The following DMD variants were observed in gnomAD, a reference collection of about 807,000 sequenced individuals.
DMD encodes mutant dystrophin.
In DMD, 63 loss-of-function variants were observed where a neutral mutation model predicts 330.1. That is an observed-to-expected ratio of 0.19 (90% CI 0.16 to 0.24). The LOEUF (loss-of-function observed/expected upper bound fraction) is 0.24, where lower values mean the gene tolerates loss of function less well. Among genes scored for constraint, DMD ranks in the 10% least tolerant of loss-of-function variants. DMD has a pLI of 1.00. For synonymous variants in DMD, 1,223 were observed against 959.8 expected, an observed-to-expected ratio of 1.27 and a Z score of -5.07; for missense variants, 3,344 against 2,684.1, an observed-to-expected ratio of 1.25 and a Z score of -5.43.
chrX:32,091,479 CTA>C (rs1286559023), intron 44 of DMD, among the ~76,000 whole-genome samples: 2 of 110,693 alleles, frequency 1.8e-5, no homozygotes, highest in African/African-American at 6.6e-5. Flanking sequence ...GATAACATCC[CTA>C]TTTTAGAATA....
At chrX:32,473,784 T>G (rs1188552340) in intron 21 of DMD, among the ~76,000 whole-genome samples, 2 of 111,715 alleles carry the variant, frequency 1.8e-5, no homozygotes, top group Non-Finnish European at 1.9e-5. Flanking sequence ...GTACTTAAAA[T>G]CTGTTTTAAT....
At chrX:31,371,677 C>T (rs2059578749) in intron 60 of DMD, among the ~76,000 whole-genome samples, 1 of 111,685 alleles carries the variant, frequency 9.0e-6, no homozygotes, top group African/African-American at 3.3e-5. Flanking sequence ...GCAGGAAAAA[C>T]TGTCCAGACA....
intron 7 of DMD, among the ~76,000 whole-genome samples, chrX:32,718,331 G>C (rs956781535): frequency 9.0e-6 from 1 of 110,919 alleles, no homozygotes; most frequent in Admixed American, 9.7e-5. Flanking sequence ...TTGTGTGAAA[G>C]CGTGTAGCAT....
rs140393650 is a variant in DMD at position 33,306,703 on chromosome X, T to A, written c.7+32556A>T. 1.9e-3 allele frequency among the ~76,000 whole-genome samples: 214 copies of A among 110,747 alleles called. 1 individual carries two copies. In the East Asian group the frequency reaches 0.055, roughly 28 times the overall value. On this transcript the variant is annotated intron_variant, in intron 1 of 17. Coordinates refer to the DMD transcript ENST00000288447. ...TATAAATGTCATGTTGGAAAGTGAGTCTGGAGAAGAAAATTGGGGCAAACA... is the reference window on the plus strand; with the variant it reads ...TATAAATGTCATGTTGGAAAGTGAGACTGGAGAAGAAAATTGGGGCAAACA...
chrX:32,546,916 G>A lies in DMD; in HGVS notation c.1993-1582C>T, dbSNP rs968257108. ...AAATGACCATTACGTGATAAAATTA[G>A]TTTTATTTCTAGTCAAAAAGAAAAT... On this transcript the variant is annotated intron_variant, in intron 16 of 78. Transcript: ENST00000357033. Among the ~76,000 whole-genome samples, 25 of 111,797 alleles carry A rather than the reference G, an allele frequency of 2.2e-4. 1 individual carries two copies. Among genetic ancestry groups the A allele is most frequent in the Middle Eastern group, 4.7e-3 (1 of 214 alleles).
At chrX:32,888,455 A>G (rs1433201854) in intron 2 of DMD, among the ~76,000 whole-genome samples, 1 of 111,690 alleles carries the variant, frequency 9.0e-6, no homozygotes, top group Non-Finnish European at 1.9e-5. Context: ...AATTAAAACA[A>G]TATGCTATCA....
intron 20 of DMD, among the ~76,000 whole-genome samples, chrX:32,485,562 T>G (rs1220153653): frequency 9.2e-6 from 1 of 109,047 alleles, no homozygotes; most frequent in Admixed American, 1.0e-4. Flanking sequence ...TATATGTGTA[T>G]ACTATAATTA....
intron 54 of DMD, among the ~76,000 whole-genome samples, chrX:31,633,317 G>C (rs1445677399): frequency 9.0e-6 from 1 of 111,191 alleles, no homozygotes; most frequent in African/African-American, 3.3e-5. Flanking sequence ...TGTATACTCA[G>C]CTGGATATTT....
chrX:31,294,909 G>A (rs774542535), intron 62 of DMD, among the ~76,000 whole-genome samples: 1 of 112,484 alleles, frequency 8.9e-6, no homozygotes, highest in East Asian at 2.8e-4. Flanking sequence ...GATTCTCTTA[G>A]TGTCATATTC....
At chrX:32,822,835 T>C (rs1300030534) in intron 5 of DMD, among the ~76,000 whole-genome samples, 1 of 111,222 alleles carries the variant, frequency 9.0e-6, no homozygotes, top group African/African-American at 3.3e-5. Context: ...AATCACATTA[T>C]GGAGTTTGTA....
intron 44 of DMD, among the ~76,000 whole-genome samples, chrX:32,104,589 G>A (rs1444722382): frequency 9.0e-6 from 1 of 111,535 alleles, no homozygotes; most frequent in Admixed American, 9.6e-5. Context: ...AAACTTGTCT[G>A]CACAGTGATC....
chrX:33,151,488 A>G (rs2048282845), intron 1 of DMD, among the ~76,000 whole-genome samples: 1 of 112,449 alleles, frequency 8.9e-6, no homozygotes, highest in African/African-American at 3.2e-5. Context: ...GAAAATATCA[A>G]TTAAATCTGA....
chrX:32,621,702 G>A (rs1348397826), intron 11 of DMD, among the ~76,000 whole-genome samples: 1 of 110,385 alleles, frequency 9.1e-6, no homozygotes, highest in African/African-American at 3.3e-5. Flanking sequence ...ATGGCTGGGT[G>A]TGTGCAAACG....
intron 2 of DMD, among the ~76,000 whole-genome samples, chrX:32,929,429 T>C (rs2089389357): frequency 1.8e-5 from 2 of 108,885 alleles, no homozygotes; most frequent in East Asian, 5.8e-4. Flanking sequence ...CAGCTTTCTC[T>C]CTCTCTCTCT....
intron 1 of DMD, among the ~76,000 whole-genome samples, chrX:33,047,819 A>T (rs1054087549): frequency 1.8e-5 from 2 of 111,863 alleles, no homozygotes; most frequent in Admixed American, 1.9e-4. Flanking sequence ...TCCCCAAGTT[A>T]TTGGCAGTGA....
chrX:31,988,882 C>T (rs2095530493), intron 44 of DMD, among the ~76,000 whole-genome samples: 1 of 111,005 alleles, frequency 9.0e-6, no homozygotes, highest in Non-Finnish European at 1.9e-5. Context: ...GATTTACAGT[C>T]AGCAAGCTGG....
intron 21 of DMD, among the ~76,000 whole-genome samples, chrX:32,472,756 G>C (rs2040797282): frequency 9.0e-6 from 1 of 110,913 alleles, no homozygotes; most frequent in African/African-American, 3.3e-5. Context: ...CGAAGACCTT[G>C]ATTTTTAAAT....
chrX:32,856,921 A>G (rs1199474118), intron 2 of DMD, among the ~76,000 whole-genome samples: 1 of 110,934 alleles, frequency 9.0e-6, no homozygotes, highest in Non-Finnish European at 1.9e-5. Flanking sequence ...TAAAAATACA[A>G]AAAATTAGGT....
chrX:32,770,253 G>A (rs1367169265), intron 7 of DMD, among the ~76,000 whole-genome samples: 3 of 111,759 alleles, frequency 2.7e-5, no homozygotes, highest in Non-Finnish European at 5.6e-5. Context: ...ATTTAAAGTA[G>A]GAGGAAATTA....
Sources: gnomAD v4.1 joint callset for allele counts (sites outside exome capture counted in the v4.1 genomes callset) on GRCh38, gnomAD v4.1.1 for gene constraint, MANE v1.5 for transcripts, NCBI Gene and HGNC (gene_info 2026-07-23, HGNC 2026-07-21) for gene names.